The following AFAP1 variants were observed in gnomAD, a reference collection of about 807,000 sequenced individuals.
The protein encoded by AFAP1 is actin filament-associated protein 1.
In AFAP1, 75 loss-of-function variants were observed where a neutral mutation model predicts 93.9. The observed-to-expected ratio is 0.80, with a 90% CI of 0.66 to 0.97. The LOEUF is 0.97. Ranked by LOEUF, AFAP1 falls within the 50% of genes least tolerant of loss-of-function variation. The pLI is 0.00. For synonymous variants in AFAP1, 517 were observed against 430.7 expected, an observed-to-expected ratio of 1.20 and a Z score of -2.48; for missense variants, 1,201 against 1,050.8, an observed-to-expected ratio of 1.14 and a Z score of -1.98.
At chr4:7,849,943 G>C (rs1453722559) in intron 4 of AFAP1, among the ~76,000 whole-genome samples, 2 of 152,136 alleles carry the variant, frequency 1.3e-5, no homozygotes, top group African/African-American at 4.8e-5. Flanking sequence ...CCATGTAAAA[G>C]GGGCTGGGGA....
intron 6 of AFAP1, among the ~76,000 whole-genome samples, chr4:7,830,430 T>G (rs1241177309): frequency 6.6e-6 from 1 of 152,106 alleles, no homozygotes; most frequent in East Asian, 1.9e-4. Flanking sequence ...CGGCCTGCAG[T>G]AGCAACAGCC....
At chr4:7,804,287 G>A (rs914317672) in intron 9 of AFAP1, among the ~76,000 whole-genome samples, 1 of 152,184 alleles carries the variant, frequency 6.6e-6, no homozygotes, top group African/African-American at 2.4e-5. Context: ...CACCCAGGGC[G>A]TCTCAAGATT....
At chr4:7,813,395 G>T (rs144016458) in intron 8 of AFAP1, among the ~76,000 whole-genome samples, 1 of 152,208 alleles carries the variant, frequency 6.6e-6, no homozygotes, top group Non-Finnish European at 1.5e-5. Context: ...GGTCACCACC[G>T]TTTAATTCCA....
chr4:7,801,337 A>C (rs894894850), intron 9 of AFAP1, among the ~76,000 whole-genome samples: 6 of 152,148 alleles, frequency 3.9e-5, no homozygotes, highest in Admixed American at 1.3e-4. Flanking sequence ...AATCTTCATG[A>C]AAGTTTGTGA....
chr4:7,763,549 G>A lies in AFAP1; in HGVS notation c.*216C>T. 1 of 568,722 alleles carries A rather than the reference G, an allele frequency of 1.8e-6. No homozygotes were observed. Among genetic ancestry groups the A allele is most frequent in the Non-Finnish European group, 3.1e-6 (1 of 325,574 alleles). The allele number at this position is 568,722 out of a possible 1,614,324, so 35.2% of individuals were successfully genotyped here. A position where few individuals can be genotyped will look rare whatever the true frequency, so the allele number is the denominator to read the frequency against. ...CTTTTTTTGTTTTTTAACAAAGTTG[G>A]GAACCAAAGTCTTACATCTTTTTTA... On this transcript the variant is annotated 3_prime_UTR_variant, in exon 18 of 18. Coordinates refer to ENST00000420658, the MANE Select transcript of AFAP1 (RefSeq NM_001134647.2).
intron 1 of AFAP1, among the ~76,000 whole-genome samples, chr4:7,902,222 G>A (rs1192486266): frequency 1.3e-5 from 2 of 152,128 alleles, no homozygotes; most frequent in Non-Finnish European, 2.9e-5. Context: ...GGCTTCCCGG[G>A]TCCCAAATCC....
At chr4:7,841,050 A>C (rs1447524758) in intron 5 of AFAP1, among the ~76,000 whole-genome samples, 2 of 152,248 alleles carry the variant, frequency 1.3e-5, no homozygotes, top group African/African-American at 2.4e-5. Context: ...ATATGCAATC[A>C]GCAATAGGGA....
At chr4:7,871,853 A>G in intron 2 of AFAP1, 99 bp downstream of exon 2, 1 of 1,458,232 alleles carries the variant, frequency 6.9e-7, no homozygotes. Flanking sequence ...TGTAAGTTAA[A>G]GAACAAATAA....
intron 17 of AFAP1, among the ~76,000 whole-genome samples, chr4:7,765,225 T>C (rs1714388010): frequency 6.6e-6 from 1 of 152,132 alleles, no homozygotes; most frequent in South Asian, 2.1e-4. Flanking sequence ...CACTCTGCCC[T>C]GCTGCCTCCC....
At chr4:7,817,616 A>G (rs1464164968) in intron 7 of AFAP1, among the ~76,000 whole-genome samples, 2 of 140,150 alleles carry the variant, frequency 1.4e-5, no homozygotes, top group Non-Finnish European at 3.1e-5. Flanking sequence ...AAGACAAAAC[A>G]AAAGGACAAA....
At chr4:7,786,125 G>A in intron 12 of AFAP1, 69 bp downstream of exon 12, 1 of 1,440,876 alleles carries the variant, frequency 6.9e-7, no homozygotes, top group South Asian at 1.2e-5. Context: ...CAGGGGAACT[G>A]AAGCACAGAA....
intron 1 of AFAP1, among the ~76,000 whole-genome samples, chr4:7,921,941 G>A (rs1720462028): frequency 6.6e-6 from 1 of 152,144 alleles, no homozygotes; most frequent in Non-Finnish European, 1.5e-5. Flanking sequence ...TGGCCAACAT[G>A]GTGAAACCCC....
intron 4 of AFAP1, 83 bp downstream of exon 4, chr4:7,855,383 C>G: frequency 1.8e-6 from 2 of 1,117,060 alleles, no homozygotes; most frequent in Non-Finnish European, 2.6e-6. Flanking sequence ...CCCTGTTGCC[C>G]TTCCTACCCA....
chr4:7,802,410 A>G (rs1039905268), intron 9 of AFAP1, among the ~76,000 whole-genome samples: 1 of 152,226 alleles, frequency 6.6e-6, no homozygotes, highest in African/African-American at 2.4e-5. Context: ...CCCTAGAATT[A>G]AAGTAGGAAA....
Position 7,860,953 on chromosome 4 carries a change from C to T in AFAP1, c.226-5379G>A, listed in dbSNP as rs528252453. Among the ~76,000 whole-genome samples, 80 of 152,360 alleles carry T rather than the reference C, an allele frequency of 5.3e-4. 1 individual carries two copies. The highest frequency in any genetic ancestry group is 1.8e-3 in the African/African-American group (75 of 41,568). ...CGCTCGCCTCGCCTCGTGGCTGGCA[C>T]TCCGCCCTCTGTCTGCTGCTCCCCA... On this transcript the variant is annotated intron_variant, in intron 3 of 17. Transcript: ENST00000420658.
chr4:7,855,725 G>A, intron 3 of AFAP1, 151 bp from the exon 4 acceptor site: 1 of 688,120 alleles, frequency 1.5e-6, no homozygotes, highest in Non-Finnish European at 2.6e-6. Context: ...AGGCTTGGAA[G>A]GCCAGCCCTG....
At chr4:7,874,354 T>TTC (rs1456251399) in intron 1 of AFAP1, among the ~76,000 whole-genome samples, 79 of 121,362 alleles carry the variant, frequency 6.5e-4, no homozygotes, top group African/African-American at 2.2e-3. Flanking sequence ...GATTGCCTTT[T>TTC]TCTTTTTTTT....
At chr4:7,774,497 G>A (rs932909155) in intron 15 of AFAP1, 11 of 514,530 alleles carry the variant, frequency 2.1e-5, no homozygotes, top group East Asian at 3.6e-5. Context: ...CCCCTGCCTC[G>A]GTGAGCAGCG....
intron 1 of AFAP1, among the ~76,000 whole-genome samples, chr4:7,879,916 C>T (rs147618976): frequency 2.5e-4 from 38 of 152,212 alleles, no homozygotes; most frequent in African/African-American, 8.4e-4. Context: ...CGGCCTGCCT[C>T]GGCCTCCCAA....
Sources: gnomAD v4.1 joint callset for allele counts (sites outside exome capture counted in the v4.1 genomes callset) on GRCh38, gnomAD v4.1.1 for gene constraint, MANE v1.5 for transcripts, NCBI Gene and HGNC (gene_info 2026-07-23, HGNC 2026-07-21) for gene names.